CHST11: variants seen among roughly 807,000 people sequenced by gnomAD.
The protein encoded by CHST11 is carbohydrate sulfotransferase 11.
In CHST11, 9 loss-of-function variants were observed where a neutral mutation model predicts 30.4. The observed-to-expected ratio is 0.30, with a 90% CI of 0.18 to 0.52. CHST11 has a LOEUF of 0.52. CHST11 is among the 20% of genes least tolerant of loss of function. CHST11 has a pLI of 0.97. For missense variants in CHST11, 348 were observed against 460.6 expected (o/e 0.76, Z 2.24); for synonymous variants, 152 against 187.8 (o/e 0.81, Z 1.56).
intron 1 of CHST11, among the ~76,000 whole-genome samples, chr12:104,505,531 T>C (rs1328801470): frequency 1.3e-5 from 2 of 152,208 alleles, no homozygotes; most frequent in African/African-American, 4.8e-5. Flanking sequence ...GACCACACTT[T>C]GCATAGCAAG....
At chr12:104,640,581 T>C (rs2039367025) in intron 2 of CHST11, among the ~76,000 whole-genome samples, 1 of 152,152 alleles carries the variant, frequency 6.6e-6, no homozygotes, top group South Asian at 2.1e-4. Context: ...AGATCAGTGG[T>C]TGCCAGGGTT....
intron 2 of CHST11, among the ~76,000 whole-genome samples, chr12:104,720,514 C>T (rs950774535): frequency 6.6e-5 from 10 of 152,114 alleles, no homozygotes; most frequent in African/African-American, 1.4e-4. Flanking sequence ...TCATGTCATG[C>T]GCTGGGAGGG....
chr12:104,610,782 C>T lies in CHST11; in HGVS notation c.204+8791C>T, dbSNP rs535608380. ...TGGAGTCTGTGGGTCTGATGGACCA[C>T]GCAGATCTCGGGAGAGTTTCCACCC... On this transcript the variant is annotated intron_variant, in intron 2 of 2. Transcript: ENST00000303694. Among the ~76,000 whole-genome samples, 4 of 152,290 alleles carry T rather than the reference C, an allele frequency of 2.6e-5. No homozygotes were observed. In the South Asian group the frequency reaches 8.3e-4, roughly 32 times the overall value.
chr12:104,591,413 G>C lies in CHST11; in HGVS notation c.119-10493G>C, dbSNP rs796408929. Among the ~76,000 whole-genome samples the C allele has an allele frequency of 2.6e-5, 4 of 151,970 alleles. No homozygotes were observed. The South Asian group carries it at 8.3e-4, about 32-fold the overall frequency. ...GGGAAGGCGATGATGGCTTGTACCA[G>C]GGCGGTGAGGACAGAGACATGCTGA... On this transcript the variant is annotated intron_variant, in intron 1 of 2. Transcript: ENST00000303694.
chr12:104,725,515 AT>A (rs201640286), intron 2 of CHST11, among the ~76,000 whole-genome samples: 2,291 of 143,286 alleles, frequency 0.016, 29 homozygotes, highest in African/African-American at 0.038. Flanking sequence ...AAAGCTGTTA[AT>A]TTTTTTTTTT....
At chr12:104,750,428 C>CCTTTTTTTTTTT (rs1420945578) in intron 2 of CHST11, among the ~76,000 whole-genome samples, 10 of 48,828 alleles carry the variant, frequency 2.0e-4, no homozygotes, top group African/African-American at 8.1e-4. Context: ...TATTTCTGCA[C>CCTTTTTTTTTTT]TTTTTTTTTT....
intron 1 of CHST11, among the ~76,000 whole-genome samples, chr12:104,581,263 C>T (rs1170673436): frequency 2.0e-5 from 3 of 152,144 alleles, no homozygotes; most frequent in African/African-American, 4.8e-5. Flanking sequence ...GGGGGAACAA[C>T]CTCAAGCTTG....
At chr12:104,507,013 C>T (rs569429285) in intron 1 of CHST11, among the ~76,000 whole-genome samples, 10 of 152,174 alleles carry the variant, frequency 6.6e-5, no homozygotes, top group South Asian at 2.1e-4. Context: ...GTTGCCAAGC[C>T]GGGAAGATTC....
At chr12:104,488,627 ATG>A (rs138634510) in intron 1 of CHST11, among the ~76,000 whole-genome samples, 37,745 of 122,408 alleles carry the variant, frequency 0.31, 4,973 homozygotes, top group Non-Finnish European at 0.34. Flanking sequence ...GTGTGCATGT[ATG>A]TGTGTGTGCG....
At chr12:104,472,698 T>C (rs1168201414) in intron 1 of CHST11, among the ~76,000 whole-genome samples, 3 of 152,202 alleles carry the variant, frequency 2.0e-5, no homozygotes, top group Non-Finnish European at 4.4e-5. Context: ...TACTTCACTG[T>C]CTTATGGGGC....
chr12:104,695,446 A>AGTGT (rs67943103), intron 2 of CHST11, among the ~76,000 whole-genome samples: 158 of 149,456 alleles, frequency 1.1e-3, no homozygotes, highest in Middle Eastern at 3.5e-3. Context: ...CAACACAATG[A>AGTGT]GTGTGTGTGT....
At chr12:104,481,265 T>C (rs763570697) in intron 1 of CHST11, among the ~76,000 whole-genome samples, 2 of 152,224 alleles carry the variant, frequency 1.3e-5, no homozygotes, top group Non-Finnish European at 2.9e-5. Context: ...TGCGCCACTC[T>C]GCCTTCTTTC....
At chr12:104,511,583 G>A (rs974281047) in intron 1 of CHST11, among the ~76,000 whole-genome samples, 1 of 152,192 alleles carries the variant, frequency 6.6e-6, no homozygotes, top group African/African-American at 2.4e-5. Flanking sequence ...CCTCGGCTAG[G>A]TCATGAAATC....
intron 1 of CHST11, among the ~76,000 whole-genome samples, chr12:104,470,306 G>T (rs1490426787): frequency 6.6e-6 from 1 of 152,180 alleles, no homozygotes; most frequent in African/African-American, 2.4e-5. Context: ...GAGGCCTCAG[G>T]AAACTTAAAA....
intron 1 of CHST11, among the ~76,000 whole-genome samples, chr12:104,555,659 C>T (rs745912730): frequency 3.9e-5 from 6 of 152,186 alleles, no homozygotes; most frequent in Non-Finnish European, 8.8e-5. Flanking sequence ...GGGGGTTGGG[C>T]CCCACAATTT....
At chr12:104,707,947 AAC>A (rs1210698666) in intron 2 of CHST11, among the ~76,000 whole-genome samples, 2 of 152,244 alleles carry the variant, frequency 1.3e-5, no homozygotes, top group East Asian at 3.8e-4. Flanking sequence ...CACAGATACA[AAC>A]ACATACAGAC....
At chr12:104,514,752 C>T (rs779945753) in intron 1 of CHST11, among the ~76,000 whole-genome samples, 1 of 152,268 alleles carries the variant, frequency 6.6e-6, no homozygotes, top group Non-Finnish European at 1.5e-5. Flanking sequence ...TGGGAACTAA[C>T]AGAGCGACAA....
At chr12:104,562,818 C>CT (rs745573874) in intron 1 of CHST11, among the ~76,000 whole-genome samples, 100 of 152,286 alleles carry the variant, frequency 6.6e-4, no homozygotes, top group Non-Finnish European at 1.1e-3. Flanking sequence ...TTTGTGAATT[C>CT]TCATATAGGC....
At chr12:104,515,261 G>A (rs943681944) in intron 1 of CHST11, among the ~76,000 whole-genome samples, 2 of 152,176 alleles carry the variant, frequency 1.3e-5, no homozygotes, top group Non-Finnish European at 1.5e-5. Context: ...TGCCACTTTT[G>A]TGCGATAATG....
Sources: gnomAD v4.1 joint callset for allele counts (sites outside exome capture counted in the v4.1 genomes callset) on GRCh38, gnomAD v4.1.1 for gene constraint, MANE v1.5 for transcripts, NCBI Gene and HGNC (gene_info 2026-07-23, HGNC 2026-07-21) for gene names.